SERHL2: variants seen among roughly 807,000 people sequenced by gnomAD.
The protein encoded by SERHL2 is serine hydrolase like 2, also known as serine hydrolase-like protein 2.
SERHL2 carries 29 observed loss-of-function variants against 25.5 expected under a neutral mutation model. The observed-to-expected ratio is 1.14, with a 90% CI of 0.85 to 1.55. The LOEUF (loss-of-function observed/expected upper bound fraction) is 1.55. SERHL2 is among the 40% of genes most tolerant of loss of function. The pLI is 0.00. For missense variants in SERHL2, 240 were observed against 252.3 expected (o/e 0.95, Z 0.33); for synonymous variants, 95 against 103.5 (o/e 0.92, Z 0.50).
intron 7 of SERHL2, among the ~76,000 whole-genome samples, chr22:42,559,951 A>G (rs1601833038): frequency 6.6e-6 from 1 of 151,924 alleles, no homozygotes; most frequent in Non-Finnish European, 1.5e-5. Context: ...AGCTGGGATT[A>G]CAGGCACATG....
chr22:42,574,035 A>C lies in SERHL2; in HGVS notation c.925A>C (p.Met309Leu). 2.5e-6 allele frequency: 4 copies of C among 1,612,540 alleles called. No individual in the cohort carries two copies. The highest frequency in any genetic ancestry group is 3.4e-6 in the Non-Finnish European group (4 of 1,179,164). Reference protein sequence around the residue: ...IISSFLQCTHMLPAQL With the variant: ...IISSFLQCTHLLPAQL Reference sequence around the variant, plus strand: ...CAGCTCCTTCTTACAGTGCACACACATGCTCCCAGCCCAGCTGTAGCTCTG... The same window carrying C: ...CAGCTCCTTCTTACAGTGCACACACCTGCTCCCAGCCCAGCTGTAGCTCTG... The change falls in exon 12 of 12, where the codon ATG becomes CTG. Residue 309 changes from methionine to leucine, a missense_variant. Coordinates refer to ENST00000327678, the MANE Select transcript of SERHL2 (RefSeq NM_014509.5).
chr22:42,572,710 T>G (rs780773449), intron 11 of SERHL2, 181 bp downstream of exon 11: 1 of 984,710 alleles, frequency 1.0e-6, no homozygotes, highest in African/African-American at 1.7e-5. Flanking sequence ...TAGGGACACA[T>G]GTAATCAGAA....
intron 7 of SERHL2, among the ~76,000 whole-genome samples, chr22:42,559,229 T>TAAAAAAAAAAAAAAAAAA (rs1194822216): frequency 1.4e-5 from 1 of 69,314 alleles, no homozygotes; most frequent in Non-Finnish European, 2.3e-5. Context: ...ACCCTGTATT[T>TAAAAAAAAAAAAAAAAAA]AAAAAAAAAA....
At chr22:42,567,335 A>C (rs933698228) in intron 9 of SERHL2, among the ~76,000 whole-genome samples, 3 of 151,692 alleles carry the variant, frequency 2.0e-5, no homozygotes, top group African/African-American at 7.3e-5. Context: ...ATAGTGATTC[A>C]TTTTCTTTTC....
Position 42,574,055 on chromosome 22 carries a change from G to C in SERHL2, c.945G>C (p.Ter315TyrextTer19), listed in dbSNP as rs1367673850. The change falls in exon 12 of 12, where the codon TAG (stop) becomes TAC (tyrosine). Residue 315 changes from the stop codon to tyrosine, a stop_lost. Transcript: ENST00000327678. ...CACACATGCTCCCAGCCCAGCTGTA[G>C]CTCTGGGCCTGGAACTATGAAGACC... The part of the protein sequence containing the change: ...QCTHMLPAQL[*>Y] 5.6e-6 allele frequency: 9 copies of C among 1,612,284 alleles called. No homozygotes were observed. Among genetic ancestry groups the C allele is most frequent in the Admixed American group, 1.7e-5 (1 of 59,954 alleles).
chr22:42,563,199 TTTTTTTG>T (rs1306507059), intron 8 of SERHL2, among the ~76,000 whole-genome samples: 36 of 77,394 alleles, frequency 4.7e-4, no homozygotes, highest in African/African-American at 4.4e-3. Context: ...TCTTTTTTTT[TTTTTTTG>T]TTGTTGTTGT....
Position 42,574,072 on chromosome 22 carries a change from A to G in SERHL2, c.*17A>G, listed in dbSNP as rs1182385362. 1.9e-6 allele frequency: 3 copies of G among 1,610,628 alleles called. No homozygotes were observed. The African/African-American group carries it at 4.0e-5, about 22-fold the overall frequency. On this transcript the variant is annotated 3_prime_UTR_variant, in exon 12 of 12. Transcript: ENST00000327678. ...CAGCTGTAGCTCTGGGCCTGGAACT[A>G]TGAAGACCTAGTGCTCCCAGACTCA...
chr22:42,561,814 C>T (rs1055520489), intron 8 of SERHL2, among the ~76,000 whole-genome samples: 2 of 151,822 alleles, frequency 1.3e-5, no homozygotes, highest in African/African-American at 4.8e-5. Context: ...GAACCTTTAT[C>T]TTGCCTCCCT....
At chr22:42,572,268 T>G (rs1445124350) in intron 10 of SERHL2, among the ~76,000 whole-genome samples, 168 bp from the exon 11 acceptor site, 3 of 152,024 alleles carry the variant, frequency 2.0e-5, no homozygotes, top group Non-Finnish European at 2.9e-5. Context: ...TGAGCTGAGA[T>G]TAACTGAGCC....
intron 9 of SERHL2, chr22:42,569,088 G>T (rs1387987615): frequency 1.3e-5 from 2 of 151,386 alleles, no homozygotes; most frequent in African/African-American, 4.8e-5. Flanking sequence ...TTGCCATGTT[G>T]GGCAGGCTGG....
At chr22:42,569,451 G>A (rs533096618) in intron 9 of SERHL2, 31 of 151,892 alleles carry the variant, frequency 2.0e-4, no homozygotes, top group African/African-American at 7.2e-4. Context: ...GTAGAGATGG[G>A]GTTTCACCAC....
At chr22:42,572,280 C>CAAATCCAACCCAGGGTCAA (rs1014328126) in intron 10 of SERHL2, among the ~76,000 whole-genome samples, 156 bp from the exon 11 acceptor site, 1 of 152,024 alleles carries the variant, frequency 6.6e-6, no homozygotes, top group African/African-American at 2.4e-5. Flanking sequence ...AACTGAGCCT[C>CAAATCCAACCCAGGGTCAA]AAATCCAACC....
chr22:42,572,511 G>A lies in SERHL2; in HGVS notation c.807G>A (p.Met269Ile). ...CCCTGTCGTTCATGATAGACACGAT[G>A]AAATCCACCCTCAAAGAGGTAAGAC... ...KESLSFMIDT[M>I]KSTLKEQFQF... Residue 269 changes from methionine to isoleucine, a missense_variant, in exon 11 of 12, where the codon ATG becomes ATA. Met to Ile is a conservative substitution (Grantham distance 10). Coordinates refer to ENST00000327678, the MANE Select transcript of SERHL2 (RefSeq NM_014509.5). 1 of 1,612,094 alleles carries A rather than the reference G, an allele frequency of 6.2e-7. No individual in the cohort carries two copies.
At chr22:42,564,387 C>T (rs1923066181) in intron 8 of SERHL2, among the ~76,000 whole-genome samples, 1 of 151,348 alleles carries the variant, frequency 6.6e-6, no homozygotes, top group African/African-American at 2.4e-5. Context: ...TGTCTATGAT[C>T]TTACTGTACC....
intron 9 of SERHL2, among the ~76,000 whole-genome samples, chr22:42,567,216 G>A (rs1038225743): frequency 2.0e-5 from 3 of 152,090 alleles, no homozygotes; most frequent in African/African-American, 7.2e-5. Context: ...CTGCTGCCCA[G>A]GCCCAGGCCA....
intron 8 of SERHL2, among the ~76,000 whole-genome samples, chr22:42,561,342 C>G (rs1922654130): frequency 6.6e-6 from 1 of 151,826 alleles, no homozygotes; most frequent in South Asian, 2.1e-4. Flanking sequence ...ACAGTCCCTT[C>G]CCTTTTAGAC....
At position 42,571,237 on chromosome 22, in the gene SERHL2, C is replaced by A. The variant is rs1205196257; in HGVS notation, c.731+34C>A. 3.1e-6 allele frequency: 5 copies of A among 1,606,978 alleles called. No homozygotes were observed. In the Admixed American group the frequency reaches 5.0e-5, roughly 16 times the overall value. On this transcript the variant is annotated intron_variant, in intron 10 of 11. Coordinates refer to ENST00000327678, the MANE Select transcript of SERHL2 (RefSeq NM_014509.5). ...GGACCCATCCCCTTCAGCCACCCGCCAAGGAGACATGGGCGCCAGGAATCT... is the reference window on the plus strand; with the variant it reads ...GGACCCATCCCCTTCAGCCACCCGCAAAGGAGACATGGGCGCCAGGAATCT...
Position 42,555,654 on chromosome 22 carries a change from G to GC in SERHL2, c.287-9dup. 9.5e-6 allele frequency: 1 copy of GC among 105,010 alleles called. No homozygotes were observed. The highest frequency in any genetic ancestry group is 1.5e-5 in the Non-Finnish European group (1 of 66,338). 6.5% of individuals were successfully genotyped at this position (105,010 alleles called of 1,614,324 possible). A position where few individuals can be genotyped will look rare whatever the true frequency, so the allele number is the denominator to read the frequency against. On this transcript the variant is annotated splice_polypyrimidine_tract_variant and intron_variant, in intron 3 of 11. Coordinates refer to ENST00000327678, the MANE Select transcript of SERHL2 (RefSeq NM_014509.5). ...GCCCAGCCGGACCTTCTGGCTCCTTGCATTTCCAGCCTTGAAATGGAATCG... is the reference window on the plus strand; with the variant it reads ...GCCCAGCCGGACCTTCTGGCTCCTTGCCATTTCCAGCCTTGAAATGGAATCG...
chr22:42,567,317 G>A (rs1404144717), intron 9 of SERHL2, among the ~76,000 whole-genome samples: 2 of 151,918 alleles, frequency 1.3e-5, no homozygotes. Context: ...TCTTGAGCAT[G>A]GTGTCAGATA....
Sources: gnomAD v4.1 joint callset for allele counts (sites outside exome capture counted in the v4.1 genomes callset) on GRCh38, gnomAD v4.1.1 for gene constraint, MANE v1.5 for transcripts, NCBI Gene and HGNC (gene_info 2026-07-23, HGNC 2026-07-21) for gene names.